The following PKIB variants were observed in gnomAD, a reference collection of about 807,000 sequenced individuals.
PKIB encodes the protein PKI-beta.
In PKIB, 2 loss-of-function variants were observed where a neutral mutation model predicts 4.5. The ratio of observed to expected loss-of-function variants is 0.44; its 90% CI spans 0.18 to 1.39. The LOEUF (loss-of-function observed/expected upper bound fraction) is 1.39. PKIB is among the 40% of genes most tolerant of loss of function. The pLI is 0.27. For missense variants in PKIB, 94 were observed against 92.6 expected, an observed-to-expected ratio of 1.02 and a Z score of -0.06; for synonymous variants, 38 against 36.0, an observed-to-expected ratio of 1.06 and a Z score of -0.20.
chr6:122,621,524 G>T (rs1775227308), intron 1 of PKIB, among the ~76,000 whole-genome samples: 1 of 152,142 alleles, frequency 6.6e-6, no homozygotes. Context: ...ATCAGGAATG[G>T]TTTCTCTGTA....
chr6:122,553,865 C>A (rs554474458), intron 2 of PKIB, among the ~76,000 whole-genome samples: 1 of 152,132 alleles, frequency 6.6e-6, no homozygotes. Context: ...ACCACAAATA[C>A]GACTGCACCA....
chr6:122,510,900 C>T (rs1776565631), intron 2 of PKIB, among the ~76,000 whole-genome samples: 1 of 152,052 alleles, frequency 6.6e-6, no homozygotes, highest in South Asian at 2.1e-4. Context: ...CGAGTCATGG[C>T]GAGCCAAGTC....
intron 2 of PKIB, among the ~76,000 whole-genome samples, chr6:122,565,007 T>C (rs1408797271): frequency 6.6e-6 from 1 of 152,182 alleles, no homozygotes; most frequent in African/African-American, 2.4e-5. Flanking sequence ...AGTGTGAGTT[T>C]GTGATTTCTG....
chr6:122,720,706 A>T (rs1468444423), intron 4 of PKIB, among the ~76,000 whole-genome samples: 2 of 148,196 alleles, frequency 1.3e-5, no homozygotes, highest in Non-Finnish European at 1.5e-5. Context: ...ATTTGAGTGT[A>T]TTTTTTTTTT....
At chr6:122,533,146 TTTTA>T (rs57942146) in intron 2 of PKIB, among the ~76,000 whole-genome samples, 2,174 of 105,418 alleles carry the variant, frequency 0.021, 32 homozygotes, top group African/African-American at 0.049. Flanking sequence ...GCACAAAACT[TTTTA>T]TTTATTTATT....
intron 1 of PKIB, among the ~76,000 whole-genome samples, chr6:122,630,526 G>C (rs1229482329): frequency 6.6e-6 from 1 of 152,072 alleles, no homozygotes; most frequent in East Asian, 1.9e-4. Flanking sequence ...CAGGGGTTTT[G>C]AAAAGAGAAA....
chr6:122,490,498 G>A (rs1775908573), intron 2 of PKIB, among the ~76,000 whole-genome samples: 2 of 152,030 alleles, frequency 1.3e-5, no homozygotes, highest in Non-Finnish European at 2.9e-5. Context: ...ATGGAGAAAG[G>A]TCCCTCATGA....
intron 3 of PKIB, among the ~76,000 whole-genome samples, chr6:122,682,652 T>G (rs1019057915): frequency 6.6e-6 from 1 of 152,142 alleles, no homozygotes; most frequent in Non-Finnish European, 1.5e-5. Flanking sequence ...ACCCTCAGAT[T>G]CTATTAATCT....
At chr6:122,713,760 C>T (rs1035594710) in intron 3 of PKIB, among the ~76,000 whole-genome samples, 3 of 152,098 alleles carry the variant, frequency 2.0e-5, no homozygotes. Flanking sequence ...TATATATGCT[C>T]ATTAGTAAAA....
chr6:122,636,193 C>CA (rs1562279458), intron 2 of PKIB, among the ~76,000 whole-genome samples: 1 of 152,018 alleles, frequency 6.6e-6, no homozygotes, highest in Non-Finnish European at 1.5e-5. Flanking sequence ...AATTAAAACT[C>CA]ATGTGGTTTG....
chr6:122,589,636 T>C (rs1272807623), intron 3 of PKIB, among the ~76,000 whole-genome samples: 1 of 152,174 alleles, frequency 6.6e-6, no homozygotes, highest in Admixed American at 6.6e-5. Context: ...ATGTCCCTGT[T>C]TGACATGATC....
chr6:122,532,575 G>A (rs1777290218), intron 2 of PKIB, among the ~76,000 whole-genome samples: 1 of 152,082 alleles, frequency 6.6e-6, no homozygotes. Context: ...TTCTTTATCT[G>A]TGAATTTGAC....
chr6:122,687,332 G>GT, intron 3 of PKIB, among the ~76,000 whole-genome samples: 1 of 152,206 alleles, frequency 6.6e-6, no homozygotes. Flanking sequence ...CTATATGTCT[G>GT]TTTTTATGCT....
rs1773444799 is a variant in PKIB at position 122,573,801 on chromosome 6, C to T, written c.-247-12120C>T. Among the ~76,000 whole-genome samples the T allele has an allele frequency of 2.6e-5, 4 of 152,128 alleles. No homozygotes were observed. In the South Asian group the frequency reaches 8.3e-4, roughly 31 times the overall value. ...GTAATAAAAGTAACATATGACAAAT[C>T]AACAGCCAACATCATACTGAATGGG... On this transcript the variant is annotated intron_variant, in intron 2 of 6. Coordinates refer to the PKIB transcript ENST00000392491.
rs370379689 is a variant in PKIB, at chr6:122,574,630, C to T, written c.-247-11291C>T. ...CAAATACTTACAGCTAACTAATCTTCGACAAAGCATACAAAAACATAAACT... is the reference window on the plus strand; with the variant it reads ...CAAATACTTACAGCTAACTAATCTTTGACAAAGCATACAAAAACATAAACT... On this transcript the variant is annotated intron_variant, in intron 2 of 6. Transcript: ENST00000392491. 3.2e-4 allele frequency among the ~76,000 whole-genome samples: 48 copies of T among 152,082 alleles called. No individual in the cohort carries two copies. The East Asian group carries it at 4.5e-3, about 14-fold the overall frequency.
chr6:122,638,875 T>C (rs1298034783), intron 2 of PKIB, among the ~76,000 whole-genome samples: 1 of 152,138 alleles, frequency 6.6e-6, no homozygotes, highest in Non-Finnish European at 1.5e-5. Context: ...TCAGGAGATG[T>C]GCCTAAAAGT....
intron 3 of PKIB, among the ~76,000 whole-genome samples, chr6:122,696,850 A>G (rs1778594677): frequency 6.6e-6 from 1 of 152,194 alleles, no homozygotes; most frequent in Non-Finnish European, 1.5e-5. Flanking sequence ...TGTGAACCTG[A>G]TGCCTTTTCT....
At chr6:122,591,465 C>T (rs1206246633) in intron 3 of PKIB, among the ~76,000 whole-genome samples, 1 of 152,020 alleles carries the variant, frequency 6.6e-6, no homozygotes, top group African/African-American at 2.4e-5. Flanking sequence ...GTCAATAATC[C>T]AGTATTTTGT....
chr6:122,573,171 A>C (rs954816223), intron 2 of PKIB, among the ~76,000 whole-genome samples: 1 of 152,192 alleles, frequency 6.6e-6, no homozygotes, highest in Admixed American at 6.5e-5. Context: ...AGAAAAAGAA[A>C]ACTGCAAACC....
Sources: gnomAD v4.1 joint callset for allele counts (sites outside exome capture counted in the v4.1 genomes callset) on GRCh38, gnomAD v4.1.1 for gene constraint, MANE v1.5 for transcripts, NCBI Gene and HGNC (gene_info 2026-07-23, HGNC 2026-07-21) for gene names.